The following ENTREP2 variants were observed in gnomAD, a reference collection of about 807,000 sequenced individuals.
ENTREP2 encodes endosomal transmembrane epsin interactor 2.
the ENTREP2 span, among the ~76,000 whole-genome samples, chr15:29,488,630 G>A: frequency 1.3e-5 from 2 of 152,158 alleles, no homozygotes; most frequent in South Asian, 2.1e-4. Context: ...TAATCAAACA[G>A]TCAAAAAGCC....
At chr15:29,296,081 A>C in the ENTREP2 span, among the ~76,000 whole-genome samples, 1 of 152,190 alleles carries the variant, frequency 6.6e-6, no homozygotes, top group African/African-American at 2.4e-5. Flanking sequence ...CTTTGGATCG[A>C]ACTGTAACTC....
At chr15:29,250,461 G>A in the ENTREP2 span, among the ~76,000 whole-genome samples, 1 of 152,152 alleles carries the variant, frequency 6.6e-6, no homozygotes, top group African/African-American at 2.4e-5. Flanking sequence ...TATAGAAAGC[G>A]GTAAGAAATA....
chr15:29,375,698 C>T, the ENTREP2 span: 2 of 152,272 alleles, frequency 1.3e-5, no homozygotes, highest in East Asian at 1.9e-4. Flanking sequence ...TCTGTGCTGC[C>T]ATCTAACTAG....
At chr15:29,399,196 C>T in the ENTREP2 span, among the ~76,000 whole-genome samples, 8 of 152,170 alleles carry the variant, frequency 5.3e-5, no homozygotes, top group Non-Finnish European at 1.2e-4. Flanking sequence ...ATCTTTCCCT[C>T]GTAAAGCTTT....
At chr15:29,444,475 C>CT in the ENTREP2 span, among the ~76,000 whole-genome samples, 4 of 140,168 alleles carry the variant, frequency 2.9e-5, no homozygotes, top group African/African-American at 1.1e-4. Flanking sequence ...TTCTTTTTTT[C>CT]TTTTTTTTCT....
At chr15:29,225,851 C>G in the ENTREP2 span, among the ~76,000 whole-genome samples, 1 of 152,220 alleles carries the variant, frequency 6.6e-6, no homozygotes, top group African/African-American at 2.4e-5. Context: ...CTTTAGGCCT[C>G]GGCTTGCAGG....
the ENTREP2 span, among the ~76,000 whole-genome samples, chr15:29,181,908 G>C: frequency 6.6e-6 from 1 of 151,944 alleles, no homozygotes; most frequent in Non-Finnish European, 1.5e-5. Flanking sequence ...TTAAAATCGG[G>C]AACAAGACAA....
At chr15:29,403,863 T>C in the ENTREP2 span, among the ~76,000 whole-genome samples, 2 of 152,024 alleles carry the variant, frequency 1.3e-5, no homozygotes, top group African/African-American at 4.8e-5. Flanking sequence ...CCCCAAAGGG[T>C]TGCCTGAATC....
the ENTREP2 span, among the ~76,000 whole-genome samples, chr15:29,510,962 T>C: frequency 2.0e-5 from 3 of 152,046 alleles, no homozygotes; most frequent in Admixed American, 6.6e-5. Flanking sequence ...ACACCACATA[T>C]TCTCACTCAT....
chr15:29,464,178 A>G, the ENTREP2 span, among the ~76,000 whole-genome samples: 1 of 152,160 alleles, frequency 6.6e-6, no homozygotes, highest in East Asian at 1.9e-4. Flanking sequence ...CGTACTCTTA[A>G]AAATGGCTAA....
the ENTREP2 span, among the ~76,000 whole-genome samples, chr15:29,302,266 T>A: frequency 3.1e-3 from 471 of 152,276 alleles, 4 homozygotes; most frequent in African/African-American, 0.011. Flanking sequence ...ACCAAGATTT[T>A]AAAAAAATTC....
the ENTREP2 span, among the ~76,000 whole-genome samples, chr15:29,193,563 C>G: frequency 6.6e-6 from 1 of 152,160 alleles, no homozygotes; most frequent in Non-Finnish European, 1.5e-5. Context: ...AAACTCCCAG[C>G]TTTCCAGGGT....
chr15:29,133,533 C>G, the ENTREP2 span, among the ~76,000 whole-genome samples: 1 of 152,202 alleles, frequency 6.6e-6, no homozygotes, highest in Non-Finnish European at 1.5e-5. Flanking sequence ...CAAAGCTGCT[C>G]TGCCAAGGCC....
At chr15:29,223,444 G>A in the ENTREP2 span, among the ~76,000 whole-genome samples, 2 of 152,120 alleles carry the variant, frequency 1.3e-5, no homozygotes, top group South Asian at 2.1e-4. Context: ...CTCTTCTGCT[G>A]TCATATCTGC....
At chr15:29,417,727 T>G in the ENTREP2 span, among the ~76,000 whole-genome samples, 1 of 152,118 alleles carries the variant, frequency 6.6e-6, no homozygotes, top group Non-Finnish European at 1.5e-5. Context: ...TGTATGTATC[T>G]TGCAAATATA....
At chr15:29,299,097 C>T in the ENTREP2 span, among the ~76,000 whole-genome samples, 1 of 152,142 alleles carries the variant, frequency 6.6e-6, no homozygotes, top group South Asian at 2.1e-4. Context: ...CTTGGTCTAT[C>T]CATAACAGGT....
the ENTREP2 span, among the ~76,000 whole-genome samples, chr15:29,511,696 T>C: frequency 6.6e-6 from 1 of 151,422 alleles, no homozygotes; most frequent in Non-Finnish European, 1.5e-5. Context: ...TGCTTCTGAA[T>C]GATAAAAACT....
the ENTREP2 span, among the ~76,000 whole-genome samples, chr15:29,239,628 G>A: frequency 0.039 from 5,987 of 152,244 alleles, 437 homozygotes; most frequent in African/African-American, 0.14. Context: ...ATAAACAGCT[G>A]ACAAGGATAT....
the ENTREP2 span, among the ~76,000 whole-genome samples, chr15:29,351,418 A>T: frequency 3.3e-5 from 5 of 152,184 alleles, no homozygotes; most frequent in Non-Finnish European, 4.4e-5. Flanking sequence ...TTATTTTTGT[A>T]ATCAATAATA....
Sources: gnomAD v4.1 joint callset for allele counts (sites outside exome capture counted in the v4.1 genomes callset) on GRCh38, gnomAD v4.1.1 for gene constraint, MANE v1.5 for transcripts, NCBI Gene and HGNC (gene_info 2026-07-23, HGNC 2026-07-21) for gene names.